Variants in STK32A observed in about 807,000 individuals in gnomAD.
STK32A encodes serine/threonine-protein kinase 32A.
Under a neutral mutation model 53.2 loss-of-function variants are expected in STK32A, and 41 were observed. That is an observed-to-expected ratio of 0.77 (90% CI 0.60 to 1.00). The LOEUF (loss-of-function observed/expected upper bound fraction) is 1.00, where lower values mean the gene tolerates loss of function less well. Ranked by LOEUF, STK32A falls within the 50% of genes least tolerant of loss-of-function variation. The pLI is 0.00. For missense variants in STK32A, 458 were observed against 485.8 expected, an observed-to-expected ratio of 0.94 and a Z score of 0.54; for synonymous variants, 166 against 162.8, an observed-to-expected ratio of 1.02 and a Z score of -0.15.
intron 2 of STK32A, among the ~76,000 whole-genome samples, chr5:147,244,082 T>A (rs1056656126): frequency 3.9e-5 from 6 of 152,222 alleles, no homozygotes; most frequent in Admixed American, 3.9e-4. Context: ...CATTTGACTT[T>A]ATGTCTCTAT....
intron 2 of STK32A, among the ~76,000 whole-genome samples, chr5:147,258,891 T>C (rs772348340): frequency 1.1e-4 from 16 of 152,268 alleles, no homozygotes; most frequent in African/African-American, 3.4e-4. Flanking sequence ...TTAGTCAAAA[T>C]TAACTCAGAA....
chr5:147,260,169 C>G (rs201742553), intron 2 of STK32A, among the ~76,000 whole-genome samples: 5,877 of 20,984 alleles, frequency 0.28, 729 homozygotes, highest in African/African-American at 0.5. Flanking sequence ...CTCTGTCTCT[C>G]TCTCTCTCTC....
intron 5 of STK32A, among the ~76,000 whole-genome samples, chr5:147,325,557 A>AT (rs962014407): frequency 1.3e-5 from 2 of 151,916 alleles, no homozygotes; most frequent in African/African-American, 2.4e-5. Context: ...ATTTATTTTT[A>AT]TTTTTTTGGG....
chr5:147,331,800 C>T (rs1754885265), intron 5 of STK32A, among the ~76,000 whole-genome samples: 1 of 152,054 alleles, frequency 6.6e-6, no homozygotes, highest in Non-Finnish European at 1.5e-5. Context: ...GGGAGGATGA[C>T]AGGTGAAGAT....
intron 5 of STK32A, among the ~76,000 whole-genome samples, chr5:147,335,268 C>T (rs1280277232): frequency 6.6e-6 from 1 of 152,134 alleles, no homozygotes; most frequent in Non-Finnish European, 1.5e-5. Context: ...GGCTGAGTCT[C>T]AGAACGTTCT....
At chr5:147,327,249 T>A (rs1561722820) in intron 5 of STK32A, among the ~76,000 whole-genome samples, 1 of 152,214 alleles carries the variant, frequency 6.6e-6, no homozygotes. Flanking sequence ...GATACAGGCT[T>A]CTGAATACTG....
At chr5:147,394,305 G>A in the STK32A span, among the ~76,000 whole-genome samples, 11 of 152,224 alleles carry the variant, frequency 7.2e-5, no homozygotes, top group African/African-American at 2.4e-4. Flanking sequence ...TTATGGCCCC[G>A]AAAACTAGCC....
At chr5:147,281,745 G>A (rs1429256948) in intron 4 of STK32A, among the ~76,000 whole-genome samples, 1 of 151,998 alleles carries the variant, frequency 6.6e-6, no homozygotes, top group East Asian at 1.9e-4. Flanking sequence ...CCAAATACAA[G>A]AAGCACAAAA....
chr5:147,315,088 G>C (rs1313975114), intron 4 of STK32A, among the ~76,000 whole-genome samples: 2 of 152,134 alleles, frequency 1.3e-5, no homozygotes, highest in Non-Finnish European at 2.9e-5. Flanking sequence ...TGTTGGAGAG[G>C]ATGTAGAGAA....
chr5:147,395,868 T>A, the STK32A span: 1 of 1,026,176 alleles, frequency 9.7e-7, no homozygotes, highest in Non-Finnish European at 1.4e-6. Flanking sequence ...GGAGAAGTAG[T>A]ATAAAATAAA....
intron 5 of STK32A, among the ~76,000 whole-genome samples, chr5:147,327,001 G>C (rs184404713): frequency 8.5e-5 from 13 of 152,294 alleles, no homozygotes; most frequent in African/African-American, 2.9e-4. Flanking sequence ...TTACAGGTGT[G>C]AGTCACCATG....
At chr5:147,304,712 A>C (rs1753317421) in intron 4 of STK32A, among the ~76,000 whole-genome samples, 1 of 152,218 alleles carries the variant, frequency 6.6e-6, no homozygotes, top group Admixed American at 6.5e-5. Flanking sequence ...AAGTCAGGGG[A>C]GTCTGCCATC....
intron 4 of STK32A, among the ~76,000 whole-genome samples, chr5:147,303,556 C>T (rs1753245009): frequency 6.6e-6 from 1 of 152,184 alleles, no homozygotes; most frequent in Non-Finnish European, 1.5e-5. Context: ...ATAGGCTCCA[C>T]TTCTGATGAG....
chr5:147,373,437 G>T, intron 10 of STK32A, 143 bp downstream of exon 10: 5 of 1,179,416 alleles, frequency 4.2e-6, no homozygotes, highest in Non-Finnish European at 6.0e-6. Context: ...AGAGAATTGA[G>T]ACATGCACAG....
chr5:147,260,313 C>CTCTCTA (rs1754496004), intron 2 of STK32A, among the ~76,000 whole-genome samples: 1 of 134,992 alleles, frequency 7.4e-6, no homozygotes, highest in African/African-American at 2.6e-5. Flanking sequence ...CTCTCTCTCT[C>CTCTCTA]TCTCTTCTCC....
intron 2 of STK32A, among the ~76,000 whole-genome samples, chr5:147,241,277 G>A (rs1201877984): frequency 6.6e-6 from 1 of 152,182 alleles, no homozygotes; most frequent in East Asian, 1.9e-4. Context: ...AGGAGATCGA[G>A]ACCATCCTGG....
intron 4 of STK32A, among the ~76,000 whole-genome samples, chr5:147,298,421 T>A (rs1752971471): frequency 6.6e-6 from 1 of 152,254 alleles, no homozygotes; most frequent in East Asian, 1.9e-4. Flanking sequence ...GCAAACAAAC[T>A]AATTTAGGTA....
At chr5:147,309,131 G>A (rs1012617566) in intron 4 of STK32A, among the ~76,000 whole-genome samples, 3 of 152,112 alleles carry the variant, frequency 2.0e-5, no homozygotes, top group African/African-American at 7.2e-5. Context: ...TGCAGGTGGT[G>A]AGATGAATGT....
At chr5:147,380,437 G>A (rs1255885793) in intron 11 of STK32A, among the ~76,000 whole-genome samples, 2 of 151,720 alleles carry the variant, frequency 1.3e-5, no homozygotes, top group African/African-American at 4.8e-5. Context: ...AAACTCTCCA[G>A]TACTGGAGAA....
Sources: allele counts gnomAD v4.1 joint callset (sites outside exome capture counted in the v4.1 genomes callset), GRCh38; gene constraint gnomAD v4.1.1; transcripts MANE v1.5; gene names NCBI Gene and HGNC (gene_info 2026-07-23, HGNC 2026-07-21).